Variants in CCDC66 observed in about 807,000 individuals in gnomAD.
CCDC66 encodes the protein coiled-coil domain-containing protein 66.
Under a neutral mutation model 128.3 loss-of-function variants are expected in CCDC66, and 133 were observed. The ratio of observed to expected loss-of-function variants is 1.04; its 90% CI spans 0.90 to 1.20. CCDC66 has a LOEUF of 1.20. CCDC66 is among the 50% of genes most tolerant of loss of function. The probability of loss-of-function intolerance (pLI) is 0.00; values close to 1 mark genes in which losing one functional copy is unlikely to be tolerated. For synonymous variants in CCDC66, 387 were observed against 357.0 expected (o/e 1.08, Z -0.95); for missense variants, 1,126 against 1,075.5 (o/e 1.05, Z -0.66).
At position 56,582,849 on chromosome 3, in the gene CCDC66, TTTATTATTATTA is replaced by T. The variant is rs66485521; in HGVS notation, c.937-10087_937-10076del. Reference sequence around the variant, plus strand: ...TCCCTTTTTTGACTTCTCAACTTTCTTTATTATTATTATTATTATTATTATTATTATTATTAT... The same window carrying T: ...TCCCTTTTTTGACTTCTCAACTTTCTTTATTATTATTATTATTATTATTAT... On this transcript the variant is annotated intron_variant, in intron 7 of 17. Transcript: ENST00000394672. 5.3e-4 allele frequency among the ~76,000 whole-genome samples: 71 copies of T among 134,878 alleles called. 2 individuals are homozygous for T. Among genetic ancestry groups the T allele is most frequent in the East Asian group, 3.2e-3 (13 of 4,020 alleles). 88.5% of individuals were successfully genotyped at this position (134,878 alleles called of 152,430 possible).
chr3:56,619,973 G>A (rs1559791994), intron 17 of CCDC66, 72 bp downstream of exon 17: 22 of 1,483,862 alleles, frequency 1.5e-5, no homozygotes, highest in Admixed American at 2.2e-5. Context: ...CCTGTTGAAC[G>A]GTTTGTTTTA....
At chr3:56,599,513 T>C (rs2072764520) in intron 10 of CCDC66, among the ~76,000 whole-genome samples, 1 of 152,106 alleles carries the variant, frequency 6.6e-6, no homozygotes, top group South Asian at 2.1e-4. Context: ...TCCACTTTTT[T>C]GATATAGGCA....
intron 7 of CCDC66, among the ~76,000 whole-genome samples, chr3:56,590,903 A>T (rs367972072): frequency 9.9e-5 from 15 of 152,196 alleles, no homozygotes; most frequent in African/African-American, 3.6e-4. Flanking sequence ...AACTGTATGG[A>T]GGATTTAGTG....
chr3:56,594,235 A>T (rs140190455), intron 10 of CCDC66, among the ~76,000 whole-genome samples: 16 of 152,128 alleles, frequency 1.1e-4, no homozygotes, highest in African/African-American at 3.9e-4. Context: ...CTTCCAGTAC[A>T]GAAGGTCTTT....
chr3:56,600,345 C>T (rs2072939236), intron 10 of CCDC66, among the ~76,000 whole-genome samples: 1 of 151,736 alleles, frequency 6.6e-6, no homozygotes, highest in Admixed American at 6.6e-5. Context: ...GAGAGCATTT[C>T]ACCATGTTGG....
Position 56,593,011 on chromosome 3 carries a change from A to G in CCDC66, c.978A>G (p.Gln326=). Reference sequence around the variant, plus strand: ...AGCACCCTTTCAGTGCTGTGAAACAAGAACTGCAAAGAAAATGGATTGAAG... The same window carrying G: ...AGCACCCTTTCAGTGCTGTGAAACAGGAACTGCAAAGAAAATGGATTGAAG... ...LLEHPFSAVK[Q]ELQRKWIEEL... Residue 326 remains glutamine (Q), a synonymous_variant, in exon 8 of 18, where the codon CAA becomes CAG. Transcript: ENST00000394672. 6.2e-7 allele frequency: 1 copy of G among 1,611,604 alleles called. No individual in the cohort carries two copies. Among genetic ancestry groups the G allele is most frequent in the Admixed American group, 1.7e-5 (1 of 59,562 alleles).
At chr3:56,599,209 T>A (rs1167174529) in intron 10 of CCDC66, among the ~76,000 whole-genome samples, 1 of 152,034 alleles carries the variant, frequency 6.6e-6, no homozygotes, top group Non-Finnish European at 1.5e-5. Context: ...CTGTGTGTAG[T>A]TGTTCATAAT....
In CCDC66 at chr3:56,566,767, A is replaced by C. The variant is rs1390292567; in HGVS notation, c.710+8A>C. The C allele has an allele frequency of 6.2e-7, 1 of 1,605,594 alleles. No homozygotes were observed. The highest frequency in any genetic ancestry group is 8.5e-7 in the Non-Finnish European group (1 of 1,175,728). On this transcript the variant is annotated splice_region_variant and intron_variant, in intron 5 of 17. Coordinates refer to ENST00000394672, the MANE Select transcript of CCDC66 (RefSeq NM_001141947.3). ...TGAGCAAAAAATTGCCATGTATGTA[A>C]CTCCTATCTGTTGTTATTGTGTGGT...
chr3:56,582,439 T>A (rs2068562812), intron 7 of CCDC66, among the ~76,000 whole-genome samples: 1 of 151,834 alleles, frequency 6.6e-6, no homozygotes, highest in Non-Finnish European at 1.5e-5. Flanking sequence ...ACCTGGTACC[T>A]CAGTTGGAAA....
chr3:56,615,742 A>G, intron 12 of CCDC66, 180 bp from the exon 13 acceptor site: 1 of 427,822 alleles, frequency 2.3e-6, no homozygotes, highest in Non-Finnish European at 4.0e-6. Flanking sequence ...ACCGAGAACA[A>G]TTATTAAATG....
In CCDC66 at chr3:56,600,283, G is replaced by C. The variant is rs577558597; in HGVS notation, c.1404+6255G>C. Among the ~76,000 whole-genome samples, 9 of 151,316 alleles carry C rather than the reference G, an allele frequency of 5.9e-5. No individual in the cohort carries two copies. In the South Asian group the frequency reaches 1.3e-3, roughly 21 times the overall value. ...CCTGCCCCACCCTCCCAAGTAGCTG[G>C]GATTATAGGTGCCCGCCACCGTGCC... On this transcript the variant is annotated intron_variant, in intron 10 of 17. Coordinates refer to ENST00000394672, the MANE Select transcript of CCDC66 (RefSeq NM_001141947.3).
intron 8 of CCDC66, 105 bp downstream of exon 8, chr3:56,593,206 C>A: frequency 1.0e-6 from 1 of 970,572 alleles, no homozygotes. Flanking sequence ...CAGAATATTC[C>A]ATTTATTCCA....
rs575507419 is a variant in CCDC66, at chr3:56,603,252, A to AT, written c.1404+9232dup. ...AAAAAGCCAGCTCCTGGATTCATTGATTTTTTTTGAAGGGTTTCGTGTCTG... is the reference window on the plus strand; with the variant it reads ...AAAAAGCCAGCTCCTGGATTCATTGATTTTTTTTTGAAGGGTTTCGTGTCTG... On this transcript the variant is annotated intron_variant, in intron 10 of 17. Coordinates refer to ENST00000394672, the MANE Select transcript of CCDC66 (RefSeq NM_001141947.3). Among the ~76,000 whole-genome samples, 62 of 151,784 alleles carry AT rather than the reference A, an allele frequency of 4.1e-4. 1 individual carries two copies. The South Asian group carries it at 0.011, about 28-fold the overall frequency.
intron 4 of CCDC66, among the ~76,000 whole-genome samples, chr3:56,566,332 C>T (rs991394244): frequency 6.6e-6 from 1 of 152,044 alleles, no homozygotes; most frequent in African/African-American, 2.4e-5. Flanking sequence ...GTCATGTTGC[C>T]CAGGCTGATC....
At chr3:56,605,657 G>A (rs1417581917) in intron 10 of CCDC66, among the ~76,000 whole-genome samples, 1 of 152,008 alleles carries the variant, frequency 6.6e-6, no homozygotes, top group East Asian at 1.9e-4. Flanking sequence ...CGTCCCAGAG[G>A]GGCACCCGTC....
intron 7 of CCDC66, among the ~76,000 whole-genome samples, chr3:56,577,858 C>T (rs2107966013): frequency 6.6e-6 from 1 of 151,920 alleles, no homozygotes; most frequent in Middle Eastern, 3.4e-3. Flanking sequence ...AGCATGATGC[C>T]TCCAGCTTTG....
At chr3:56,614,218 A>G (rs1410650584) in intron 11 of CCDC66, among the ~76,000 whole-genome samples, 1 of 152,212 alleles carries the variant, frequency 6.6e-6, no homozygotes, top group East Asian at 1.9e-4. Context: ...ATTATTTCAC[A>G]TGATATAGTT....
At chr3:56,618,251 C>T in intron 15 of CCDC66, 39 bp downstream of exon 15, 1 of 1,565,420 alleles carries the variant, frequency 6.4e-7, no homozygotes, top group Non-Finnish European at 8.8e-7. Context: ...CTACTTAATG[C>T]TTTCTATGTG....
intron 7 of CCDC66, among the ~76,000 whole-genome samples, chr3:56,579,388 G>GT (rs1218695674): frequency 2.0e-5 from 3 of 151,760 alleles, no homozygotes; most frequent in South Asian, 2.1e-4. Context: ...TTTTTGAAGG[G>GT]TTTTTTGTGT....
Sources: allele counts gnomAD v4.1 joint callset (sites outside exome capture counted in the v4.1 genomes callset), GRCh38; gene constraint gnomAD v4.1.1; transcripts MANE v1.5; gene names NCBI Gene and HGNC (gene_info 2026-07-23, HGNC 2026-07-21).